Variants in CYP39A1 observed in about 807,000 individuals in gnomAD.
CYP39A1 encodes the protein cytochrome P450 family 39 subfamily A member 1, also known as 24-hydroxycholesterol 7-alpha-hydroxylase.
In CYP39A1, 49 loss-of-function variants were observed where a neutral mutation model predicts 58.1. The observed-to-expected ratio is 0.84, with a 90% CI of 0.67 to 1.07. CYP39A1 has a LOEUF of 1.07. Ranked by LOEUF, CYP39A1 falls within the 50% of genes least tolerant of loss-of-function variation. The probability of loss-of-function intolerance (pLI) is 0.00; values close to 1 mark genes in which losing one functional copy is unlikely to be tolerated. For synonymous variants in CYP39A1, 209 were observed against 187.6 expected, an observed-to-expected ratio of 1.11 and a Z score of -0.93; for missense variants, 531 against 539.4, an observed-to-expected ratio of 0.98 and a Z score of 0.16.
intron 7 of CYP39A1, among the ~76,000 whole-genome samples, chr6:46,618,780 A>G (rs1199347387): frequency 1.3e-5 from 2 of 152,076 alleles, no homozygotes; most frequent in Non-Finnish European, 2.9e-5. Context: ...CATCTTTAAA[A>G]GAAACAGAAA....
At chr6:46,586,979 AAT>A in intron 10 of CYP39A1, 96 bp downstream of exon 10, 6 of 769,580 alleles carry the variant, frequency 7.8e-6, no homozygotes, top group South Asian at 1.7e-5. Flanking sequence ...CTATAGTTTA[AAT>A]ATATATATAA....
At chr6:46,647,563 G>A (rs1020190478) in intron 1 of CYP39A1, among the ~76,000 whole-genome samples, 1 of 152,148 alleles carries the variant, frequency 6.6e-6, no homozygotes, top group East Asian at 1.9e-4. Context: ...CCTGTTGGTG[G>A]GAGGTAGACA....
At chr6:46,622,763 A>C (rs1208406405) in intron 7 of CYP39A1, among the ~76,000 whole-genome samples, 1 of 152,198 alleles carries the variant, frequency 6.6e-6, no homozygotes, top group Non-Finnish European at 1.5e-5. Context: ...GAGGAAGTAG[A>C]ATAATGAAAA....
intron 10 of CYP39A1, among the ~76,000 whole-genome samples, chr6:46,557,944 AAAAAAAAAAAG>A (rs1770745722): frequency 2.0e-5 from 3 of 150,554 alleles, no homozygotes; most frequent in East Asian, 3.9e-4. Flanking sequence ...AAAAAAAAAA[AAAAAAAAAAAG>A]AAAAAAAGAA....
At chr6:46,606,525 C>A (rs1773852977) in intron 7 of CYP39A1, among the ~76,000 whole-genome samples, 1 of 152,006 alleles carries the variant, frequency 6.6e-6, no homozygotes, top group Non-Finnish European at 1.5e-5. Context: ...TGGAAGAATG[C>A]CAAGGTAATC....
At chr6:46,624,505 G>A (rs547903645) in intron 7 of CYP39A1, among the ~76,000 whole-genome samples, 1 of 151,924 alleles carries the variant, frequency 6.6e-6, no homozygotes, top group East Asian at 1.9e-4. Flanking sequence ...ATATTACTTA[G>A]ATATTCATGG....
chr6:46,608,037 AAAAC>A (rs1209316592), intron 7 of CYP39A1, among the ~76,000 whole-genome samples: 5 of 152,322 alleles, frequency 3.3e-5, no homozygotes, highest in South Asian at 4.1e-4. Flanking sequence ...TAATAGATGA[AAAAC>A]AAACAAACTG....
intron 6 of CYP39A1, among the ~76,000 whole-genome samples, chr6:46,627,340 C>T (rs145993870): frequency 1.1e-3 from 174 of 152,198 alleles, no homozygotes; most frequent in Middle Eastern, 0.01. Context: ...TTTAGAGATT[C>T]AATAAAATTG....
chr6:46,643,718 A>G (rs1033536349), intron 1 of CYP39A1, among the ~76,000 whole-genome samples: 2 of 152,252 alleles, frequency 1.3e-5, no homozygotes, highest in Non-Finnish European at 2.9e-5. Context: ...AGTAACTGCA[A>G]TATAACTGCG....
At chr6:46,593,473 C>A (rs929831205) in intron 8 of CYP39A1, among the ~76,000 whole-genome samples, 1 of 151,766 alleles carries the variant, frequency 6.6e-6, no homozygotes, top group Non-Finnish European at 1.5e-5. Flanking sequence ...GTGACAGAGA[C>A]CCTGTCTCAA....
intron 10 of CYP39A1, among the ~76,000 whole-genome samples, chr6:46,568,502 G>A (rs1209679660): frequency 1.0e-5 from 1 of 97,420 alleles, no homozygotes; most frequent in Admixed American, 9.6e-5. Context: ...CTTGTGCTCT[G>A]TTTTTCTTCT....
At chr6:46,613,384 A>G (rs2150552929) in intron 7 of CYP39A1, among the ~76,000 whole-genome samples, 1 of 152,342 alleles carries the variant, frequency 6.6e-6, no homozygotes, top group Non-Finnish European at 1.5e-5. Flanking sequence ...GTGAGTGACA[A>G]GATTGAAATT....
rs1389017689 is a variant in CYP39A1 at position 46,596,094 on chromosome 6, C to T, written c.958G>A (p.Asp320Asn). 1.9e-6 allele frequency: 3 copies of T among 1,607,756 alleles called. No homozygotes were observed. The highest frequency in any genetic ancestry group is 1.3e-5 in the African/African-American group (1 of 74,394). The change falls in exon 8 of 12, where the codon GAT becomes AAT. Residue 320 changes from aspartate (D) to asparagine (N), a missense_variant. Transcript: ENST00000275016. ...AGKDKIKVSE[D>N]DLENLLLIKW... Reference sequence around the variant, plus strand: ...ATTAGAAGGAGATTCTCCAGGTCATCCTCAGACACTTTAATCTTATCTTTG... The same window carrying T: ...ATTAGAAGGAGATTCTCCAGGTCATTCTCAGACACTTTAATCTTATCTTTG...
intron 10 of CYP39A1, among the ~76,000 whole-genome samples, chr6:46,581,585 T>C (rs1253605687): frequency 6.6e-6 from 1 of 152,162 alleles, no homozygotes; most frequent in Non-Finnish European, 1.5e-5. Flanking sequence ...AAATACAGCA[T>C]GTTCTCACTT....
At chr6:46,566,518 T>G (rs1384427594) in intron 10 of CYP39A1, among the ~76,000 whole-genome samples, 1 of 152,102 alleles carries the variant, frequency 6.6e-6, no homozygotes, top group South Asian at 2.1e-4. Context: ...CTCACTATCA[T>G]GAGAACAGCA....
intron 2 of CYP39A1, among the ~76,000 whole-genome samples, chr6:46,641,372 T>C (rs1022861164): frequency 1.3e-5 from 2 of 152,136 alleles, no homozygotes; most frequent in African/African-American, 2.4e-5. Flanking sequence ...TATAATTCTA[T>C]TGATTACTGG....
At chr6:46,592,729 G>A (rs934889263) in intron 8 of CYP39A1, among the ~76,000 whole-genome samples, 2 of 152,182 alleles carry the variant, frequency 1.3e-5, no homozygotes, top group African/African-American at 4.8e-5. Flanking sequence ...GCCAAGGCGG[G>A]CAGATCACCT....
Position 46,652,487 on chromosome 6 carries a change from G to A in CYP39A1, c.96C>T (p.Ile32=). 6.2e-7 allele frequency: 1 copy of A among 1,613,970 alleles called. No homozygotes were observed. The highest frequency in any genetic ancestry group is 1.6e-4 in the Middle Eastern group (1 of 6,062). Reference sequence around the variant, plus strand: ...CTCCAATCCAAGGAATCCAGCCCTTGATGCACGGGGGTCTACGCAAATTCT... The same window carrying A: ...CTCCAATCCAAGGAATCCAGCCCTTAATGCACGGGGGTCTACGCAAATTCT... The part of the protein sequence containing the change: ...QRKNLRRPPC[I]KGWIPWIGVG... The change falls in exon 1 of 12, where the codon ATC becomes ATT. Residue 32 remains isoleucine (I), a synonymous_variant. Transcript: ENST00000275016.
chr6:46,551,137 G>A (rs1302943590), intron 11 of CYP39A1, among the ~76,000 whole-genome samples: 1 of 152,010 alleles, frequency 6.6e-6, no homozygotes, highest in Non-Finnish European at 1.5e-5. Context: ...AAGATGAGGT[G>A]GATCCAATTT....
Sources: gnomAD v4.1 joint callset for allele counts (sites outside exome capture counted in the v4.1 genomes callset) on GRCh38, gnomAD v4.1.1 for gene constraint, MANE v1.5 for transcripts, NCBI Gene and HGNC (gene_info 2026-07-23, HGNC 2026-07-21) for gene names.